The following SOX5 variants were observed in gnomAD, a reference collection of about 807,000 sequenced individuals.
The protein encoded by SOX5 is SRY-box transcription factor 5.
A neutral mutation model predicts 92.0 loss-of-function variants in SOX5; 9 were observed. The observed-to-expected ratio is 0.10, with a 90% confidence interval of 0.06 to 0.17. The LOEUF (loss-of-function observed/expected upper bound fraction) is 0.17, where lower values mean the gene tolerates loss of function less well. Ranked by LOEUF, SOX5 falls within the 10% of genes least tolerant of loss-of-function variation. The probability of loss-of-function intolerance (pLI) is 1.00; values close to 1 mark genes in which losing one functional copy is unlikely to be tolerated. For missense variants in SOX5, 642 were observed against 944.5 expected (o/e 0.68, Z 4.20); for synonymous variants, 344 against 336.3 (o/e 1.02, Z -0.25).
chr12:23,927,084 C>T lies in SOX5; in HGVS notation c.38+22480G>A, dbSNP rs1342314202. Among the ~76,000 whole-genome samples, 4 of 152,138 alleles carry T rather than the reference C, an allele frequency of 2.6e-5. No homozygotes were observed. The East Asian group carries it at 7.7e-4, about 29-fold the overall frequency. Reference sequence around the variant, plus strand: ...ACCTAATTTTAAAAACTGGACATTCCTTGCTTTGTTTTTCCAAAAGGATTA... The same window carrying T: ...ACCTAATTTTAAAAACTGGACATTCTTTGCTTTGTTTTTCCAAAAGGATTA... On this transcript the variant is annotated intron_variant, in intron 1 of 14. Transcript: ENST00000451604.
intron 4 of SOX5, among the ~76,000 whole-genome samples, chr12:24,082,517 A>T (rs1421861603): frequency 6.8e-6 from 1 of 147,212 alleles, no homozygotes; most frequent in Non-Finnish European, 1.5e-5. Context: ...TACAATTAAG[A>T]TTTTGATTTT....
chr12:23,789,257 G>T, intron 3 of SOX5, among the ~76,000 whole-genome samples: 2 of 151,116 alleles, frequency 1.3e-5, no homozygotes. Context: ...ATTAAATTAT[G>T]TTACCATTTT....
chr12:23,723,231 A>C (rs954049906), intron 6 of SOX5, among the ~76,000 whole-genome samples: 1 of 151,826 alleles, frequency 6.6e-6, no homozygotes, highest in African/African-American at 2.4e-5. Flanking sequence ...TCTCTCTCAA[A>C]TTGCCCCACA....
chr12:24,270,714 A>G (rs1185648246), intron 3 of SOX5, among the ~76,000 whole-genome samples: 3 of 152,272 alleles, frequency 2.0e-5, no homozygotes, highest in Admixed American at 6.5e-5. Flanking sequence ...CCTGGCTTTT[A>G]CACTAGTATT....
chr12:23,545,885 A>T (rs762819495), intron 12 of SOX5, among the ~76,000 whole-genome samples: 1 of 151,786 alleles, frequency 6.6e-6, no homozygotes, highest in Non-Finnish European at 1.5e-5. Context: ...AAAAAAAAAA[A>T]ACAAAATTGC....
intron 1 of SOX5, among the ~76,000 whole-genome samples, chr12:24,375,665 G>A (rs1596053024): frequency 6.6e-6 from 1 of 151,416 alleles, no homozygotes; most frequent in Non-Finnish European, 1.5e-5. Context: ...GAACCCAGGA[G>A]GTGGATGTTG....
At chr12:24,331,921 T>TATGTAAAGTAAA (rs11268429) in intron 2 of SOX5, among the ~76,000 whole-genome samples, 19,048 of 131,854 alleles carry the variant, frequency 0.14, 1,548 homozygotes, top group African/African-American at 0.25. Context: ...TGAAATTAAG[T>TATGTAAAGTAAA]ATGTAAAGTA....
rs546234034 is a variant in SOX5, at chr12:24,008,221, C to T, written c.-1-112197G>A. 7.9e-5 allele frequency among the ~76,000 whole-genome samples: 12 copies of T among 152,144 alleles called. No homozygotes were observed. In the South Asian group the frequency reaches 1.0e-3, roughly 13 times the overall value. The stretch of plus-strand genomic sequence containing the variant: ...ACACTTTTTAAGGATTTTCAGTGTA[C>T]ATTTTGCAGAATATTATGCCAAATA... On this transcript the variant is annotated intron_variant, in intron 4 of 4. Transcript: ENST00000446891.
At chr12:23,984,249 G>C (rs1949858379) in intron 4 of SOX5, among the ~76,000 whole-genome samples, 1 of 152,142 alleles carries the variant, frequency 6.6e-6, no homozygotes, top group Non-Finnish European at 1.5e-5. Flanking sequence ...ACACAGAAAA[G>C]TGAAAACCCA....
At chr12:23,864,485 T>C (rs181218124) in intron 2 of SOX5, among the ~76,000 whole-genome samples, 1 of 152,250 alleles carries the variant, frequency 6.6e-6, no homozygotes, top group African/African-American at 2.4e-5. Context: ...AGCCAAGTTA[T>C]GGATGCAAAG....
intron 3 of SOX5, among the ~76,000 whole-genome samples, chr12:23,797,859 G>C (rs1048513332): frequency 6.6e-6 from 1 of 151,758 alleles, no homozygotes; most frequent in Non-Finnish European, 1.5e-5. Context: ...TCCTAACCTC[G>C]CCTCAGGTTA....
chr12:23,880,829 T>G (rs1349177888), intron 2 of SOX5, among the ~76,000 whole-genome samples: 1 of 152,192 alleles, frequency 6.6e-6, no homozygotes. Context: ...ATGAATAGAC[T>G]AACTGTAGAA....
chr12:24,229,524 T>C (rs1374739283), intron 3 of SOX5, among the ~76,000 whole-genome samples: 1 of 152,214 alleles, frequency 6.6e-6, no homozygotes, highest in African/African-American at 2.4e-5. Context: ...TGCTAACTTC[T>C]AACTTTGGGT....
chr12:23,957,630 A>G lies in SOX5; in HGVS notation c.-1-61606T>C, dbSNP rs917378869. 2.0e-5 allele frequency among the ~76,000 whole-genome samples: 3 copies of G among 152,314 alleles called. No homozygotes were observed. In the South Asian group the frequency reaches 6.2e-4, roughly 32 times the overall value. ...CAAGAAAACCTAGTTGTTATAATGCATTGTGTGGACACTCTGAAGAGCTGC... is the reference window on the plus strand; with the variant it reads ...CAAGAAAACCTAGTTGTTATAATGCGTTGTGTGGACACTCTGAAGAGCTGC... On this transcript the variant is annotated intron_variant, in intron 4 of 4. Coordinates refer to the SOX5 transcript ENST00000446891.
At chr12:23,718,396 C>T (rs936311871) in intron 6 of SOX5, among the ~76,000 whole-genome samples, 3 of 152,166 alleles carry the variant, frequency 2.0e-5, no homozygotes, top group Admixed American at 6.5e-5. Flanking sequence ...GACCACACTT[C>T]CTATCTTAAT....
Position 24,453,774 on chromosome 12 carries a change from A to G in SOX5, c.-250-85135T>C, listed in dbSNP as rs145099906. Among the ~76,000 whole-genome samples the G allele has an allele frequency of 7.6e-3, 1,153 of 152,302 alleles. 15 individuals carry two copies. The highest frequency in any genetic ancestry group is 0.027 in the African/African-American group (1,122 of 41,560). On this transcript the variant is annotated intron_variant, in intron 1 of 4. Coordinates refer to the SOX5 transcript ENST00000446891. ...AACTAACTGGTAGCAAGCTTAGATG[A>G]CAAAACAAGAGCCAATTTTCTGTGA...
intron 3 of SOX5, among the ~76,000 whole-genome samples, chr12:24,226,475 T>A (rs1479430270): frequency 6.6e-6 from 1 of 152,112 alleles, no homozygotes; most frequent in African/African-American, 2.4e-5. Context: ...TTTATTTATT[T>A]ATTTATTTAT....
intron 8 of SOX5, among the ~76,000 whole-genome samples, chr12:23,636,981 A>G (rs2079343195): frequency 6.6e-6 from 1 of 152,196 alleles, no homozygotes; most frequent in Non-Finnish European, 1.5e-5. Context: ...TAATCCTCGG[A>G]AAATCTTTAC....
chr12:23,619,134 C>G (rs143295904), intron 8 of SOX5, among the ~76,000 whole-genome samples: 1 of 152,138 alleles, frequency 6.6e-6, no homozygotes, highest in Admixed American at 6.6e-5. Context: ...GGATTCCGCT[C>G]TTACTTTTTT....
Sources: allele counts gnomAD v4.1 joint callset (sites outside exome capture counted in the v4.1 genomes callset), GRCh38; gene constraint gnomAD v4.1.1; transcripts MANE v1.5; gene names NCBI Gene and HGNC (gene_info 2026-07-23, HGNC 2026-07-21).